SS18L1: variants seen among roughly 807,000 people sequenced by gnomAD.
SS18L1 encodes the protein calcium-responsive transactivator.
In SS18L1, 32 loss-of-function variants were observed where a neutral mutation model predicts 70.3. The observed-to-expected ratio is 0.46, with a 90% CI of 0.34 to 0.61. The LOEUF is 0.61. Among genes scored for constraint, SS18L1 ranks in the 20% least tolerant of loss-of-function variants. The probability of loss-of-function intolerance (pLI) is 0.01; values close to 1 mark genes in which losing one functional copy is unlikely to be tolerated. For synonymous variants in SS18L1, 237 were observed against 229.7 expected (o/e 1.03, Z -0.29); for missense variants, 430 against 542.1 (o/e 0.79, Z 2.05).
chr20:62,163,776 G>C (rs2057376355), intron 6 of SS18L1, among the ~76,000 whole-genome samples, 154 bp downstream of exon 6: 1 of 151,814 alleles, frequency 6.6e-6, no homozygotes, highest in Non-Finnish European at 1.5e-5. Flanking sequence ...ATTGAGTGTG[G>C]ACCCTGGGGG....
At position 62,178,651 on chromosome 20, in the gene SS18L1, G is replaced by A. The variant is rs191161319; in HGVS notation, c.1165-531G>A. ...CAGCCTTGACCTCCTGGGCTCAAGC[G>A]ATCCTCCCACCTCACCCTCCAAGTA... On this transcript the variant is annotated intron_variant, in intron 10 of 10. Transcript: ENST00000331758. Among the ~76,000 whole-genome samples the A allele has an allele frequency of 5.9e-3, 895 of 152,270 alleles. 5 individuals are homozygous for A. The highest frequency in any genetic ancestry group is 0.019 in the African/African-American group (800 of 41,536).
rs990146365 is a variant in SS18L1 at position 62,179,773 on chromosome 20, G to A, written c.*565G>A. ...GTCAGTTTCTGTTACGTAACGAAAA[G>A]GATAAACATCTCCCACGGGAGAGGC... On this transcript the variant is annotated 3_prime_UTR_variant, in exon 11 of 11. Transcript: ENST00000331758. 7.8e-5 allele frequency: 18 copies of A among 231,416 alleles called. No individual in the cohort carries two copies. Among genetic ancestry groups the A allele is most frequent in the Non-Finnish European group, 1.5e-4 (18 of 117,082 alleles). The allele number at this position is 231,416 out of a possible 1,614,324, so 14.3% of individuals were successfully genotyped here.
intron 10 of SS18L1, among the ~76,000 whole-genome samples, chr20:62,177,315 C>T (rs2057636743): frequency 6.6e-6 from 1 of 152,014 alleles, no homozygotes; most frequent in African/African-American, 2.4e-5. Context: ...TTGGGGCTGC[C>T]AGTGGTTTTA....
intron 8 of SS18L1, among the ~76,000 whole-genome samples, chr20:62,168,015 A>G (rs1214351267): frequency 3.0e-5 from 4 of 131,946 alleles, no homozygotes; most frequent in African/African-American, 1.1e-4. Flanking sequence ...ATTTTTGTAG[A>G]GATAAGGTCT....
intron 5 of SS18L1, among the ~76,000 whole-genome samples, 200 bp from the exon 6 acceptor site, chr20:62,163,258 G>A (rs536734742): frequency 5.9e-5 from 9 of 152,244 alleles, no homozygotes; most frequent in African/African-American, 1.7e-4. Context: ...GGGTAGAGTC[G>A]GTGCAAGCAG....
In SS18L1 at chr20:62,182,403, ATTTT is replaced by A. The variant is rs561371579; in HGVS notation, c.*3201_*3204del. The A allele has an allele frequency of 5.5e-5, 11 of 198,576 alleles. No individual in the cohort carries two copies. Among genetic ancestry groups the A allele is most frequent in the Non-Finnish European group, 9.3e-5 (9 of 96,776 alleles). 12.3% of individuals were successfully genotyped at this position (198,576 alleles called of 1,614,324 possible). A position where few individuals can be genotyped will look rare whatever the true frequency, so the allele number is the denominator to read the frequency against. On this transcript the variant is annotated 3_prime_UTR_variant, in exon 11 of 11. Coordinates refer to ENST00000331758, the MANE Select transcript of SS18L1 (RefSeq NM_198935.3). The stretch of plus-strand genomic sequence containing the variant: ...CATTTAAAAAACATCCTTATCGGTT[ATTTT>A]TTTTTCAGTCGGAGTTTGACGTATA...
At position 62,143,786 on chromosome 20, in the gene SS18L1, C is replaced by G; in HGVS notation, c.-35C>G. Reference sequence around the variant, plus strand: ...CGCCCAGCGCAGCCGGAGTATCCACCTCGATGACCACGGGCTGAGCCCCGC... The same window carrying G: ...CGCCCAGCGCAGCCGGAGTATCCACGTCGATGACCACGGGCTGAGCCCCGC... On this transcript the variant is annotated 5_prime_UTR_variant, in exon 1 of 11. Transcript: ENST00000331758. 2 of 1,348,230 alleles carry G rather than the reference C, an allele frequency of 1.5e-6. No individual in the cohort carries two copies. The highest frequency in any genetic ancestry group is 1.5e-5 in the African/African-American group (1 of 64,696). The allele number at this position is 1,348,230 out of a possible 1,614,324, so 83.5% of individuals were successfully genotyped here. A position where few individuals can be genotyped will look rare whatever the true frequency, so the allele number is the denominator to read the frequency against.
chr20:62,172,513 A>G (rs185011726), intron 8 of SS18L1, among the ~76,000 whole-genome samples, 169 bp from the exon 9 acceptor site: 3 of 152,276 alleles, frequency 2.0e-5, no homozygotes, highest in Admixed American at 6.5e-5. Flanking sequence ...TTGTATTTCT[A>G]TAAGATAAAG....
intron 1 of SS18L1, among the ~76,000 whole-genome samples, chr20:62,156,347 C>T (rs1224469417): frequency 1.3e-5 from 2 of 152,182 alleles, no homozygotes; most frequent in East Asian, 3.9e-4. Flanking sequence ...TGGCGCCTGG[C>T]AGGTGGACTC....
At chr20:62,163,399 G>A (rs2057367755) in intron 5 of SS18L1, 59 bp from the exon 6 acceptor site, 2 of 1,605,712 alleles carry the variant, frequency 1.2e-6, no homozygotes, top group Admixed American at 1.7e-5. Flanking sequence ...GTAGTTGGGT[G>A]TGGGAGGGAG....
chr20:62,152,037 T>A (rs1429798861), intron 1 of SS18L1, among the ~76,000 whole-genome samples: 1 of 144,974 alleles, frequency 6.9e-6, no homozygotes, highest in Non-Finnish European at 1.5e-5. Flanking sequence ...CTGGCCTCCA[T>A]TCCTGGAGAT....
intron 1 of SS18L1, among the ~76,000 whole-genome samples, chr20:62,157,101 G>A (rs1568744082): frequency 6.6e-6 from 1 of 152,100 alleles, no homozygotes; most frequent in East Asian, 1.9e-4. Context: ...GCTGCCCCCA[G>A]GTGGACACCT....
At chr20:62,146,116 G>A (rs989491055) in intron 1 of SS18L1, among the ~76,000 whole-genome samples, 1 of 152,218 alleles carries the variant, frequency 6.6e-6, no homozygotes, top group African/African-American at 2.4e-5. Context: ...GAAGGAGAAA[G>A]AGGTCTACAC....
At chr20:62,163,083 G>C in intron 5 of SS18L1, 152 bp downstream of exon 5, 5 of 1,066,514 alleles carry the variant, frequency 4.7e-6, no homozygotes, top group African/African-American at 1.6e-5. Context: ...CGCTGCCTCT[G>C]AGAGCTTCCG....
rs1382379138 is a variant in SS18L1 at position 62,150,232 on chromosome 20, C to CATCAGTGGAATGTT, written c.69+6343_69+6344insATCAGTGGAATGTT. ...AGTTGGGTGAATGTTCAGAGGGGTC[C>CATCAGTGGAATGTT]CACTGGCTTCCATCAGTGGAGTCTG... On this transcript the variant is annotated intron_variant, in intron 1 of 10. Coordinates refer to ENST00000331758, the MANE Select transcript of SS18L1 (RefSeq NM_198935.3). 9.2e-5 allele frequency among the ~76,000 whole-genome samples: 14 copies of CATCAGTGGAATGTT among 152,348 alleles called. No homozygotes were observed. In the East Asian group the frequency reaches 2.7e-3, roughly 29 times the overall value.
At chr20:62,156,894 G>A (rs895976623) in intron 1 of SS18L1, among the ~76,000 whole-genome samples, 1 of 152,220 alleles carries the variant, frequency 6.6e-6, no homozygotes, top group African/African-American at 2.4e-5. Context: ...GAGCCAAAAG[G>A]CACTGCTTTT....
In SS18L1 at chr20:62,158,363, A is replaced by G. The variant is rs1217322349; in HGVS notation, c.70-309A>G. ...AATGCACGTAACGACAGTTTCGTAT[A>G]CAGAACAGGCGTAGCATCCGAGATC... On this transcript the variant is annotated intron_variant, in intron 1 of 10. Transcript: ENST00000331758. This position sits in a 1 kb window ranked among gnomAD's most constrained non-coding sequence, Gnocchi z 4.5. Among the ~76,000 whole-genome samples the G allele has an allele frequency of 1.3e-5, 2 of 151,488 alleles. No individual in the cohort carries two copies. Among genetic ancestry groups the G allele is most frequent in the South Asian group, 2.1e-4 (1 of 4,786 alleles).
intron 1 of SS18L1, among the ~76,000 whole-genome samples, chr20:62,144,589 C>T (rs962326599): frequency 6.6e-6 from 1 of 152,260 alleles, no homozygotes; most frequent in African/African-American, 2.4e-5. Flanking sequence ...CCTCGCCAGC[C>T]GCCTCGCCTA....
At chr20:62,167,493 G>C (rs1489053711) in intron 8 of SS18L1, among the ~76,000 whole-genome samples, 1 of 151,956 alleles carries the variant, frequency 6.6e-6, no homozygotes, top group Non-Finnish European at 1.5e-5. Flanking sequence ...CCCAGAGGCA[G>C]AGGTTGCAGT....
Sources: gnomAD v4.1 joint callset for allele counts (sites outside exome capture counted in the v4.1 genomes callset) on GRCh38, gnomAD v4.1.1 for gene constraint, Gnocchi (gnomAD v3.1) non-coding constraint, MANE v1.5 for transcripts, NCBI Gene and HGNC (gene_info 2026-07-23, HGNC 2026-07-21) for gene names.